Variants in HMBOX1 observed in about 807,000 individuals in gnomAD.
HMBOX1 encodes the protein homeobox-containing protein 1.
Under a neutral mutation model 54.5 loss-of-function variants are expected in HMBOX1, and 14 were observed. The ratio of observed to expected loss-of-function variants is 0.26; its 90% CI spans 0.17 to 0.40. The LOEUF (loss-of-function observed/expected upper bound fraction) is 0.40, where lower values mean the gene tolerates loss of function less well. Among genes scored for constraint, HMBOX1 ranks in the 10% least tolerant of loss-of-function variants. HMBOX1 has a pLI of 1.00. For synonymous variants in HMBOX1, 160 were observed against 181.0 expected (o/e 0.88, Z 0.93); for missense variants, 332 against 514.4 (o/e 0.65, Z 3.43).
chr8:28,928,595 T>C (rs1328534929), intron 1 of HMBOX1, among the ~76,000 whole-genome samples: 2 of 152,190 alleles, frequency 1.3e-5, no homozygotes, highest in African/African-American at 2.4e-5. Context: ...ATAGCCAAGA[T>C]ATGGAAACAA....
chr8:29,018,260 A>G (rs1800634794), intron 5 of HMBOX1, among the ~76,000 whole-genome samples: 1 of 152,222 alleles, frequency 6.6e-6, no homozygotes. Context: ...TGGCAGTTCA[A>G]GCTATTTGAG....
chr8:29,024,157 G>A (rs1416649165), intron 6 of HMBOX1, among the ~76,000 whole-genome samples: 1 of 152,124 alleles, frequency 6.6e-6, no homozygotes, highest in Non-Finnish European at 1.5e-5. Context: ...CAGCAGGGAG[G>A]GAGCTAACAT....
intron 4 of HMBOX1, among the ~76,000 whole-genome samples, chr8:29,006,505 C>T (rs1328104297): frequency 6.6e-6 from 1 of 152,180 alleles, no homozygotes; most frequent in Non-Finnish European, 1.5e-5. Context: ...GTGGCCCTGC[C>T]ATTTTATCCT....
At chr8:28,938,714 G>A (rs116487378) in intron 1 of HMBOX1, among the ~76,000 whole-genome samples, 2,788 of 151,916 alleles carry the variant, frequency 0.018, 79 homozygotes, top group African/African-American at 0.064. Flanking sequence ...CTCCCAGAGT[G>A]TTGGAATTAC....
chr8:28,964,504 C>G (rs1201488205), intron 2 of HMBOX1, among the ~76,000 whole-genome samples: 1 of 152,078 alleles, frequency 6.6e-6, no homozygotes, highest in Admixed American at 6.6e-5. Flanking sequence ...TAAAAGTATT[C>G]CGGGAATTTC....
intron 3 of HMBOX1, among the ~76,000 whole-genome samples, chr8:28,974,732 C>T (rs954070140): frequency 1.3e-5 from 2 of 151,914 alleles, no homozygotes; most frequent in Non-Finnish European, 2.9e-5. Flanking sequence ...ACTTTGTCTC[C>T]ATAGGTGAAA....
intron 1 of HMBOX1, among the ~76,000 whole-genome samples, chr8:28,913,092 C>T (rs1038770594): frequency 1.3e-5 from 2 of 152,090 alleles, no homozygotes; most frequent in Non-Finnish European, 2.9e-5. Context: ...CACCCTGATC[C>T]AAGTCATTGT....
chr8:29,044,173 T>C (rs1563640229), intron 6 of HMBOX1, among the ~76,000 whole-genome samples: 1 of 152,088 alleles, frequency 6.6e-6, no homozygotes. Context: ...CAGGAAGGGC[T>C]GGGGCCTCCA....
chr8:28,940,154 T>C (rs1821116972), intron 1 of HMBOX1, among the ~76,000 whole-genome samples: 1 of 152,230 alleles, frequency 6.6e-6, no homozygotes, highest in Admixed American at 6.5e-5. Flanking sequence ...ATTACATTCA[T>C]GTGCCACCAC....
chr8:28,894,191 T>G (rs1811592491), intron 1 of HMBOX1, among the ~76,000 whole-genome samples: 1 of 152,244 alleles, frequency 6.6e-6, no homozygotes, highest in African/African-American at 2.4e-5. Flanking sequence ...CCCACTGTAG[T>G]AGAACTGTAA....
At chr8:28,929,624 A>C (rs185492344) in intron 1 of HMBOX1, among the ~76,000 whole-genome samples, 152 of 152,184 alleles carry the variant, frequency 1.0e-3, no homozygotes, top group African/African-American at 3.3e-3. Flanking sequence ...GATGGTTGTT[A>C]TTGTTTATTG....
chr8:28,944,571 C>T (rs1180780876), intron 1 of HMBOX1, among the ~76,000 whole-genome samples: 1 of 152,172 alleles, frequency 6.6e-6, no homozygotes. Flanking sequence ...CGTTGGATTA[C>T]TATTCCCATT....
intron 6 of HMBOX1, 98 bp from the exon 7 acceptor site, chr8:29,045,263 G>A (rs913450861): frequency 5.5e-6 from 5 of 901,878 alleles, no homozygotes; most frequent in South Asian, 1.4e-5. Flanking sequence ...ACACTTGAGT[G>A]TGGCATCTTA....
At position 29,001,718 on chromosome 8, in the gene HMBOX1, A is replaced by C. The variant is rs138937675; in HGVS notation, c.587-7354A>C. On this transcript the variant is annotated intron_variant, in intron 4 of 9. Coordinates refer to ENST00000287701, the MANE Select transcript of HMBOX1 (RefSeq NM_001135726.3). ...TCACATGCGTCTGTATATTTATCAA[A>C]ACTCATTGAACTATATACTTAAAAT... Among the ~76,000 whole-genome samples, 613 of 152,332 alleles carry C rather than the reference A, an allele frequency of 4.0e-3. 3 individuals are homozygous for C. Among genetic ancestry groups the C allele is most frequent in the African/African-American group, 0.013 (560 of 41,576 alleles).
chr8:28,952,015 T>A (rs916953358), intron 1 of HMBOX1, among the ~76,000 whole-genome samples: 3 of 152,096 alleles, frequency 2.0e-5, no homozygotes, highest in South Asian at 2.1e-4. Flanking sequence ...TCTACAAAAA[T>A]TTTTTTAAAA....
chr8:28,970,279 C>T lies in HMBOX1; in HGVS notation c.260C>T (p.Thr87Ile). Residue 87 changes from threonine to isoleucine, a missense_variant, in exon 3 of 10, where the codon ACA (threonine) becomes ATA (isoleucine). Thr to Ile is a moderately conservative substitution (Grantham distance 89, BLOSUM62 -1). This residue lies in a region of HMBOX1 where 146 missense variants were observed against 173.3 expected (regional missense o/e 0.84). Transcript: ENST00000287701. The surrounding 1 kb of genome is among the most constrained non-coding windows in gnomAD (Gnocchi z 4.3). ...NNVPASSSTA[T>I]ASTQTQHSGM... ...GTCCCAGCATCTTCCTCTACAGCTACAGCTTCCACACAGACGCAGCATTCG... is the reference window on the plus strand; with the variant it reads ...GTCCCAGCATCTTCCTCTACAGCTATAGCTTCCACACAGACGCAGCATTCG... The T allele has an allele frequency of 3.1e-6, 5 of 1,614,180 alleles. No individual in the cohort carries two copies. The highest frequency in any genetic ancestry group is 4.2e-6 in the Non-Finnish European group (5 of 1,180,008).
At chr8:29,012,344 G>T (rs1310403628) in intron 5 of HMBOX1, among the ~76,000 whole-genome samples, 1 of 152,080 alleles carries the variant, frequency 6.6e-6, no homozygotes, top group African/African-American at 2.4e-5. Context: ...AGACCTGATT[G>T]GAATCCACCC....
chr8:29,012,749 GAGAC>G (rs2132887010), intron 5 of HMBOX1, among the ~76,000 whole-genome samples: 1 of 152,230 alleles, frequency 6.6e-6, no homozygotes, highest in African/African-American at 2.4e-5. Context: ...TAGGAAGGGG[GAGAC>G]AGACCAAAAG....
intron 5 of HMBOX1, chr8:29,009,523 CTTTTT>C (rs10706846): frequency 2.4e-3 from 1,137 of 475,508 alleles, no homozygotes; most frequent in Non-Finnish European, 2.6e-3. Context: ...TTCCGTATCT[CTTTTT>C]TTTTTTTTTT....
Sources: gnomAD v4.1 joint callset for allele counts (sites outside exome capture counted in the v4.1 genomes callset) on GRCh38, gnomAD v4.1.1 for gene constraint, gnomAD v4.1.1 regional missense constraint, Gnocchi (gnomAD v3.1) non-coding constraint, MANE v1.5 for transcripts, NCBI Gene and HGNC (gene_info 2026-07-23, HGNC 2026-07-21) for gene names.